Variants in RPL24 observed in about 807,000 individuals in gnomAD.
RPL24 encodes ribosomal protein L24, also known as large ribosomal subunit protein eL24.
In RPL24, 7 loss-of-function variants were observed where a neutral mutation model predicts 26.4. That is an observed-to-expected ratio of 0.27 (90% confidence interval 0.15 to 0.50). RPL24 has a LOEUF of 0.50. Among genes scored for constraint, RPL24 ranks in the 20% least tolerant of loss-of-function variants. The probability of loss-of-function intolerance (pLI) is 0.98; values close to 1 mark genes in which losing one functional copy is unlikely to be tolerated. For synonymous variants in RPL24, 67 were observed against 65.2 expected (o/e 1.03, Z -0.13); for missense variants, 109 against 194.9 (o/e 0.56, Z 2.62).
chr3:101,686,508 T>G lies in RPL24; in HGVS notation c.55A>C (p.Arg19=). 6.2e-7 allele frequency: 1 copy of G among 1,614,170 alleles called. No homozygotes were observed. ...SGYKIYPGHG[R]RYARTDGKVF... is the part of the protein sequence containing the mutation. ...TTCCCGTCGGTCCTGGCGTAGCGCC[T>G]CCCGTGTCCGGGGTAGATCTTGTAC... Residue 19 remains arginine, a synonymous_variant, in exon 2 of 6, where the codon AGG becomes CGG. Coordinates refer to ENST00000394077, the MANE Select transcript of RPL24 (RefSeq NM_000986.4).
intron 5 of RPL24, chr3:101,681,941 C>T (rs903767019): frequency 6.4e-6 from 1 of 157,348 alleles, no homozygotes; most frequent in Non-Finnish European, 1.4e-5. Flanking sequence ...AGAGGACCAC[C>T]TCTCTGGAGA....
intron 1 of RPL24, 53 bp downstream of exon 1, chr3:101,686,619 G>A (rs1216619550): frequency 6.2e-7 from 1 of 1,613,936 alleles, no homozygotes; most frequent in Non-Finnish European, 8.5e-7. Flanking sequence ...GGACGACAGA[G>A]AGGAGTTCTG....
intron 3 of RPL24, among the ~76,000 whole-genome samples, chr3:101,685,414 G>A (rs1338944076): frequency 1.3e-5 from 2 of 152,230 alleles, no homozygotes; most frequent in African/African-American, 2.4e-5. Context: ...ACTTAACAAG[G>A]ACCAGAAAAA....
chr3:101,684,332 AT>A (rs1186778075), intron 3 of RPL24, among the ~76,000 whole-genome samples: 2 of 149,776 alleles, frequency 1.3e-5, no homozygotes, highest in Non-Finnish European at 3.0e-5. Context: ...TGTCCGGCTA[AT>A]TTTTTTTTGT....
In RPL24 at chr3:101,682,824, G is replaced by A. The variant is rs761102755; in HGVS notation, c.276C>T (p.Ala92=). Residue 92 remains alanine, a synonymous_variant, in exon 4 of 6, where the codon GCC becomes GCT. Coordinates refer to ENST00000394077, the MANE Select transcript of RPL24 (RefSeq NM_000986.4). ...ITGASLADIM[A]KRNQKPEVRK... ...TAACTTCAGGTTTCTGATTCCTCTT[G>A]GCCATTATATCAGCAAGAGATGCAC... The A allele has an allele frequency of 1.6e-5, 26 of 1,613,304 alleles. No individual in the cohort carries two copies. The highest frequency in any genetic ancestry group is 2.0e-5 in the Non-Finnish European group (24 of 1,179,732).
intron 3 of RPL24, among the ~76,000 whole-genome samples, chr3:101,685,092 A>C (rs1297299546): frequency 6.6e-6 from 1 of 152,022 alleles, no homozygotes; most frequent in African/African-American, 2.4e-5. Flanking sequence ...GAAAACACCA[A>C]ATGATTTTTC....
At chr3:101,684,417 T>C in intron 3 of RPL24, among the ~76,000 whole-genome samples, 1 of 148,444 alleles carries the variant, frequency 6.7e-6, no homozygotes, top group East Asian at 2.0e-4. Context: ...ATCCACTCGT[T>C]TTGGCCTCCC....
intron 2 of RPL24, 158 bp from the exon 3 acceptor site, chr3:101,686,086 G>A: frequency 1.2e-5 from 7 of 601,946 alleles, no homozygotes; most frequent in South Asian, 2.0e-5. Context: ...TAACTGGCAG[G>A]TAACTGTGTC....
intron 3 of RPL24, 143 bp downstream of exon 3, chr3:101,685,675 T>C (rs1937328491): frequency 2.0e-6 from 1 of 505,482 alleles, no homozygotes; most frequent in Admixed American, 3.5e-5. Flanking sequence ...GTTTATAATA[T>C]CTTTTTCATT....
chr3:101,681,974 TG>T (rs1430284589), intron 5 of RPL24: 1 of 158,980 alleles, frequency 6.3e-6, no homozygotes, highest in African/African-American at 2.4e-5. Flanking sequence ...GCCAAGTAAT[TG>T]GTTACAAACA....
chr3:101,682,977 T>A, intron 3 of RPL24, 70 bp from the exon 4 acceptor site: 1 of 1,444,932 alleles, frequency 6.9e-7, no homozygotes, highest in South Asian at 1.2e-5. Flanking sequence ...AAAAATTAAG[T>A]CTTTTAAGAC....
At position 101,682,899 on chromosome 3, in the gene RPL24, A is replaced by C; in HGVS notation, c.201T>G (p.Ile67Met). ...CTGCTCGGCGGGTTCTTTTCTTTTG[A>C]ATTTCTTCCTGCAAAACAAAGATGA... ...RKHKKGQSEE[I>M]QKKRTRRAVK... is the part of the protein sequence containing the mutation. The change falls in exon 4 of 6, where the codon ATT becomes ATG. Residue 67 changes from isoleucine (I) to methionine (M), a missense_variant. Coordinates refer to ENST00000394077, the MANE Select transcript of RPL24 (RefSeq NM_000986.4). 1 of 1,613,004 alleles carries C rather than the reference A, an allele frequency of 6.2e-7. No individual in the cohort carries two copies. The highest frequency in any genetic ancestry group is 8.5e-7 in the Non-Finnish European group (1 of 1,179,372).
At chr3:101,683,681 A>G (rs2108338927) in intron 3 of RPL24, among the ~76,000 whole-genome samples, 1 of 151,434 alleles carries the variant, frequency 6.6e-6, no homozygotes, top group Middle Eastern at 3.4e-3. Context: ...TAAAGTTGAC[A>G]ATTTTAACCT....
At chr3:101,681,887 T>C (rs1937268208) in intron 5 of RPL24, 1 of 154,248 alleles carries the variant, frequency 6.5e-6, no homozygotes, top group Non-Finnish European at 1.4e-5. Context: ...GGCCAACCTT[T>C]ATTTTTCCCA....
chr3:101,686,664 G>A lies in RPL24; in HGVS notation c.5+8C>T, dbSNP rs74720437. The A allele has an allele frequency of 1.2e-6, 2 of 1,614,228 alleles. No homozygotes were observed. The highest frequency in any genetic ancestry group is 1.7e-6 in the Non-Finnish European group (2 of 1,180,014). On this transcript the variant is annotated splice_region_variant and intron_variant, in intron 1 of 5. Coordinates refer to ENST00000394077, the MANE Select transcript of RPL24 (RefSeq NM_000986.4). ...GTAAGCGGATTGGGAACCACGGGTCGTGCTTACTTCATGGCGACAGCTCCA... is the reference window on the plus strand; with the variant it reads ...GTAAGCGGATTGGGAACCACGGGTCATGCTTACTTCATGGCGACAGCTCCA...
chr3:101,685,682 C>T, intron 3 of RPL24, 136 bp downstream of exon 3: 2 of 507,948 alleles, frequency 3.9e-6, no homozygotes, highest in Non-Finnish European at 7.2e-6. Context: ...ATATCTTTTT[C>T]ATTTTGCTGA....
At chr3:101,681,835 G>A (rs918352482) in intron 5 of RPL24, 1 of 153,334 alleles carries the variant, frequency 6.5e-6, no homozygotes, top group Non-Finnish European at 1.4e-5. Flanking sequence ...GTGAGGCCCT[G>A]TGTTGAAGGG....
At chr3:101,684,776 C>CGAAAAAAAAA (rs1205904118) in intron 3 of RPL24, among the ~76,000 whole-genome samples, 1 of 53,216 alleles carries the variant, frequency 1.9e-5, no homozygotes, top group African/African-American at 8.1e-5. Flanking sequence ...CCTGTCTCCC[C>CGAAAAAAAAA]AAAAAAAAAA....
intron 3 of RPL24, among the ~76,000 whole-genome samples, chr3:101,684,685 G>A (rs1446243257): frequency 1.3e-5 from 2 of 148,430 alleles, no homozygotes; most frequent in South Asian, 2.2e-4. Flanking sequence ...AGGCGGAGGT[G>A]GGAGGATCAC....
Sources: allele counts gnomAD v4.1 joint callset (sites outside exome capture counted in the v4.1 genomes callset), GRCh38; gene constraint gnomAD v4.1.1; transcripts MANE v1.5; gene names NCBI Gene and HGNC (gene_info 2026-07-23, HGNC 2026-07-21).